The following RBFOX1 variants were observed in gnomAD, a reference collection of about 807,000 sequenced individuals.
RBFOX1 encodes the protein RNA binding fox-1 homolog 1.
Under a neutral mutation model 57.7 loss-of-function variants are expected in RBFOX1, and 8 were observed. The ratio of observed to expected loss-of-function variants is 0.14; its 90% CI spans 0.08 to 0.25. RBFOX1 has a LOEUF of 0.25. RBFOX1 is among the 10% of genes least tolerant of loss of function. The pLI, the probability that RBFOX1 is intolerant of heterozygous loss-of-function variation, is 1.00. For missense variants in RBFOX1, 611 were observed against 548.5 expected (o/e 1.11, Z -1.14); for synonymous variants, 326 against 222.4 (o/e 1.47, Z -4.15).
chr16:6,472,678 C>T (rs1396613214), intron 2 of RBFOX1, among the ~76,000 whole-genome samples: 1 of 151,280 alleles, frequency 6.6e-6, no homozygotes, highest in African/African-American at 2.4e-5. Flanking sequence ...GGCTGGAGTG[C>T]AGTGGCGCAA....
intron 5 of RBFOX1, among the ~76,000 whole-genome samples, chr16:7,548,690 G>C (rs557674554): frequency 2.0e-5 from 3 of 152,308 alleles, no homozygotes; most frequent in Non-Finnish European, 4.4e-5. Flanking sequence ...TTCGGCTGCT[G>C]TTCACCCATA....
At chr16:5,297,691 C>T (rs1272574545) in intron 1 of RBFOX1, among the ~76,000 whole-genome samples, 2 of 152,142 alleles carry the variant, frequency 1.3e-5, no homozygotes, top group Admixed American at 6.5e-5. Flanking sequence ...ATCCCATAGG[C>T]TGTTTCTTCA....
intron 2 of RBFOX1, among the ~76,000 whole-genome samples, chr16:5,572,623 G>T (rs1248178661): frequency 6.6e-6 from 1 of 152,196 alleles, no homozygotes; most frequent in Non-Finnish European, 1.5e-5. Context: ...TGTGCAGCGG[G>T]AAGAGAGAAT....
At chr16:7,008,491 G>A (rs766023754) in intron 3 of RBFOX1, among the ~76,000 whole-genome samples, 1 of 152,032 alleles carries the variant, frequency 6.6e-6, no homozygotes, top group African/African-American at 2.4e-5. Flanking sequence ...AGTGATCTGA[G>A]ATCATACCAC....
intron 1 of RBFOX1, among the ~76,000 whole-genome samples, chr16:5,269,941 G>A (rs546024870): frequency 6.6e-6 from 1 of 152,092 alleles, no homozygotes; most frequent in Non-Finnish European, 1.5e-5. Flanking sequence ...GATTGCTTGA[G>A]GCCAGGAGTT....
intron 1 of RBFOX1, among the ~76,000 whole-genome samples, chr16:5,324,054 G>A (rs887929543): frequency 3.3e-5 from 5 of 152,236 alleles, no homozygotes; most frequent in African/African-American, 1.2e-4. Flanking sequence ...TTAGTGTTGT[G>A]TCTCTTTGCA....
At chr16:5,525,825 TC>T (rs750008689) in intron 2 of RBFOX1, among the ~76,000 whole-genome samples, 17 of 152,002 alleles carry the variant, frequency 1.1e-4, no homozygotes, top group Non-Finnish European at 2.2e-4. Flanking sequence ...ACACAACAGT[TC>T]CCTCTAACAA....
rs973804122 is a variant in RBFOX1, at chr16:6,998,582, T to G, written c.-15-53475T>G. 7.2e-5 allele frequency among the ~76,000 whole-genome samples: 11 copies of G among 152,156 alleles called. No individual in the cohort carries two copies. The South Asian group carries it at 2.1e-3, about 29-fold the overall frequency. On this transcript the variant is annotated intron_variant, in intron 3 of 15. Transcript: ENST00000550418. ...TTGAAGAACCAAAATAGGATTTTAATTTGGTTATATCATTGTGATCGATGA... is the reference window on the plus strand; with the variant it reads ...TTGAAGAACCAAAATAGGATTTTAAGTTGGTTATATCATTGTGATCGATGA...
intron 2 of RBFOX1, among the ~76,000 whole-genome samples, chr16:6,648,754 C>T (rs534209247): frequency 6.6e-6 from 1 of 152,154 alleles, no homozygotes; most frequent in Non-Finnish European, 1.5e-5. Context: ...CAGAGAGCTG[C>T]TTTTTCTCAC....
chr16:5,949,452 G>A (rs1188998660), intron 4 of RBFOX1, among the ~76,000 whole-genome samples: 4 of 146,646 alleles, frequency 2.7e-5, no homozygotes, highest in African/African-American at 7.7e-5. Flanking sequence ...CGTGAACCCG[G>A]GAGGCAGAGC....
chr16:7,195,020 T>C (rs1834346201), intron 4 of RBFOX1, among the ~76,000 whole-genome samples: 2 of 151,312 alleles, frequency 1.3e-5, no homozygotes, highest in African/African-American at 4.9e-5. Context: ...GGTTCTTAAT[T>C]AGTTGTTTAT....
At position 5,456,822 on chromosome 16, in the gene RBFOX1, C is replaced by T. The variant is rs1202509812; in HGVS notation, c.220-10394C>T. Among the ~76,000 whole-genome samples, 96 of 152,122 alleles carry T rather than the reference C, an allele frequency of 6.3e-4. 1 individual carries two copies. The highest frequency in any genetic ancestry group is 4.4e-5 in the Non-Finnish European group (3 of 68,028). ...CATCCCCCTTGGAATAACACCTAAC[C>T]CCTTTCACATGGCTCCTGAGACCCC... On this transcript the variant is annotated intron_variant, in intron 1 of 2. Transcript: ENST00000585867.
In RBFOX1 at chr16:5,454,911, T is replaced by TTCC. The variant is rs1286160978; in HGVS notation, c.220-12304_220-12303insCCT. 9.4e-4 allele frequency among the ~76,000 whole-genome samples: 89 copies of TTCC among 94,356 alleles called. 2 individuals carry two copies. The highest frequency in any genetic ancestry group is 2.1e-3 in the South Asian group (6 of 2,792). 61.9% of individuals were successfully genotyped at this position (94,356 alleles called of 152,430 possible). On this transcript the variant is annotated intron_variant, in intron 1 of 2. Coordinates refer to the RBFOX1 transcript ENST00000585867. ...CTTTCTTTCTTTCTTTCTTTCTTTC[T>TTCC]TTCCTTTGTTTCTTTCTTCCTTCCT...
chr16:6,791,698 G>T (rs1005464192), intron 3 of RBFOX1, among the ~76,000 whole-genome samples: 1 of 152,190 alleles, frequency 6.6e-6, no homozygotes, highest in Non-Finnish European at 1.5e-5. Flanking sequence ...GGCAGAGGTT[G>T]CAGTGAGCAG....
At chr16:7,083,330 G>A (rs998085024) in intron 4 of RBFOX1, among the ~76,000 whole-genome samples, 24 of 152,038 alleles carry the variant, frequency 1.6e-4, no homozygotes, top group African/African-American at 3.1e-4. Context: ...ATCTTAGGGC[G>A]AATCTCATTC....
chr16:7,173,083 A>G (rs1414205939), intron 4 of RBFOX1, among the ~76,000 whole-genome samples: 1 of 152,230 alleles, frequency 6.6e-6, no homozygotes, highest in East Asian at 1.9e-4. Flanking sequence ...ATATGAGTTC[A>G]GAAGAAAGAC....
At chr16:5,920,798 C>G (rs2058804392) in intron 4 of RBFOX1, among the ~76,000 whole-genome samples, 1 of 152,172 alleles carries the variant, frequency 6.6e-6, no homozygotes, top group Admixed American at 6.5e-5. Context: ...ATTCTTCCTG[C>G]TCAGCATTAT....
chr16:7,202,577 G>T (rs1173507235), intron 4 of RBFOX1, among the ~76,000 whole-genome samples: 1 of 152,188 alleles, frequency 6.6e-6, no homozygotes, highest in Non-Finnish European at 1.5e-5. Flanking sequence ...TGCAGTGGAT[G>T]AGCAAGCAAA....
At chr16:5,950,275 C>T (rs962006198) in intron 4 of RBFOX1, among the ~76,000 whole-genome samples, 1 of 152,208 alleles carries the variant, frequency 6.6e-6, no homozygotes. Context: ...TGTCTGTGCA[C>T]CTGCCTAGAC....
Sources: allele counts gnomAD v4.1 joint callset (sites outside exome capture counted in the v4.1 genomes callset), GRCh38; gene constraint gnomAD v4.1.1; transcripts MANE v1.5; gene names NCBI Gene and HGNC (gene_info 2026-07-23, HGNC 2026-07-21).